Variants in IL1R1 observed in about 807,000 individuals in gnomAD.
IL1R1 encodes the protein interleukin-1 receptor type 1.
Under a neutral mutation model 50.2 loss-of-function variants are expected in IL1R1, and 22 were observed. The observed-to-expected ratio is 0.44, with a 90% confidence interval of 0.31 to 0.63. The LOEUF (loss-of-function observed/expected upper bound fraction) is 0.63. Ranked by LOEUF, IL1R1 falls within the 20% of genes least tolerant of loss-of-function variation. The pLI is 0.07. For synonymous variants in IL1R1, 251 were observed against 236.7 expected (o/e 1.06, Z -0.55); for missense variants, 509 against 676.2 (o/e 0.75, Z 2.74).
intron 1 of IL1R1, among the ~76,000 whole-genome samples, chr2:102,111,127 G>C (rs946957318): frequency 1.3e-5 from 2 of 152,220 alleles, no homozygotes; most frequent in Non-Finnish European, 2.9e-5. Context: ...AGCATGGTGG[G>C]TGTTTAGGGC....
At chr2:102,082,390 T>C (rs1679250362) in intron 1 of IL1R1, among the ~76,000 whole-genome samples, 1 of 152,220 alleles carries the variant, frequency 6.6e-6, no homozygotes. Flanking sequence ...ATCTTGTTTG[T>C]TCTAAAGCCA....
chr2:102,160,686 C>G (rs1684638637), intron 3 of IL1R1, among the ~76,000 whole-genome samples: 1 of 152,176 alleles, frequency 6.6e-6, no homozygotes, highest in African/African-American at 2.4e-5. Flanking sequence ...CTAGGGACAG[C>G]CTCTATGCCC....
At position 102,176,958 on chromosome 2, in the gene IL1R1, TG is replaced by T; in HGVS notation, c.*202del. 5.3e-6 allele frequency: 3 copies of T among 567,502 alleles called. No homozygotes were observed. The highest frequency in any genetic ancestry group is 6.3e-5 in the Admixed American group (2 of 31,608). 35.2% of individuals were successfully genotyped at this position (567,502 alleles called of 1,614,324 possible). On this transcript the variant is annotated 3_prime_UTR_variant, in exon 12 of 12. Coordinates refer to ENST00000410023, the MANE Select transcript of IL1R1 (RefSeq NM_000877.4). ...CCAGGGCACTTCAGAGTAGAGGGCTTGGGAAGATCTTTTAAAAAGGCAGTAG... is the reference window on the plus strand; with the variant it reads ...CCAGGGCACTTCAGAGTAGAGGGCTTGGAAGATCTTTTAAAAAGGCAGTAG...
At chr2:102,148,477 C>T (rs912077192) in intron 1 of IL1R1, among the ~76,000 whole-genome samples, 1 of 152,230 alleles carries the variant, frequency 6.6e-6, no homozygotes. Flanking sequence ...AAAGGCTCAA[C>T]CTAGCACTCC....
chr2:102,159,103 T>C (rs1259917811), intron 3 of IL1R1, among the ~76,000 whole-genome samples: 1 of 152,184 alleles, frequency 6.6e-6, no homozygotes, highest in Non-Finnish European at 1.5e-5. Context: ...AGATCAGGTT[T>C]TCAGACTGGA....
intron 1 of IL1R1, among the ~76,000 whole-genome samples, chr2:102,084,408 G>A (rs751397576): frequency 2.0e-5 from 3 of 152,090 alleles, no homozygotes; most frequent in East Asian, 1.9e-4. Context: ...GAGGTTGCTC[G>A]GAATCAACTC....
intron 1 of IL1R1, among the ~76,000 whole-genome samples, chr2:102,125,546 G>A (rs1461753649): frequency 6.6e-6 from 1 of 152,170 alleles, no homozygotes; most frequent in Non-Finnish European, 1.5e-5. Context: ...AGATAGGCAA[G>A]ATACAAGGAA....
At chr2:102,109,293 A>T (rs1248555317) in intron 1 of IL1R1, among the ~76,000 whole-genome samples, 2 of 152,132 alleles carry the variant, frequency 1.3e-5, no homozygotes, top group Non-Finnish European at 2.9e-5. Flanking sequence ...TTATTGAGTC[A>T]CCTACTAAAG....
chr2:102,107,509 G>A (rs1314992415), intron 1 of IL1R1, among the ~76,000 whole-genome samples: 1 of 151,908 alleles, frequency 6.6e-6, no homozygotes, highest in East Asian at 1.9e-4. Context: ...GGAGGAGGGG[G>A]GAGGGATAAC....
At chr2:102,116,119 G>A (rs1681056539) in intron 1 of IL1R1, among the ~76,000 whole-genome samples, 1 of 152,234 alleles carries the variant, frequency 6.6e-6, no homozygotes, top group Admixed American at 6.5e-5. Flanking sequence ...CATTGACAAG[G>A]TGGGTGCGTT....
intron 6 of IL1R1, among the ~76,000 whole-genome samples, 183 bp downstream of exon 6, chr2:102,166,464 C>G (rs570152445): frequency 6.6e-6 from 1 of 152,180 alleles, no homozygotes; most frequent in African/African-American, 2.4e-5. Flanking sequence ...TTTTCCATTC[C>G]TGCTTCAGAT....
At chr2:102,114,758 G>T in intron 1 of IL1R1, among the ~76,000 whole-genome samples, 1 of 152,046 alleles carries the variant, frequency 6.6e-6, no homozygotes, top group Non-Finnish European at 1.5e-5. Flanking sequence ...AAGGAAATAT[G>T]ACATATATCT....
chr2:102,121,967 G>T (rs1577896209), intron 1 of IL1R1, among the ~76,000 whole-genome samples: 1 of 152,074 alleles, frequency 6.6e-6, no homozygotes, highest in East Asian at 1.9e-4. Context: ...AAAATGTGAA[G>T]CTGCCAGGCA....
At chr2:102,099,297 A>G (rs1680036040) in intron 1 of IL1R1, among the ~76,000 whole-genome samples, 1 of 152,196 alleles carries the variant, frequency 6.6e-6, no homozygotes, top group Admixed American at 6.5e-5. Context: ...AGGGCCTAGA[A>G]GAGATGGTAG....
At position 102,158,374 on chromosome 2, in the gene IL1R1, G is replaced by A. The variant is rs190992261; in HGVS notation, c.61+589G>A. 4.1e-4 allele frequency among the ~76,000 whole-genome samples: 63 copies of A among 152,296 alleles called. 1 individual carries two copies. The highest frequency in any genetic ancestry group is 9.9e-4 in the African/African-American group (41 of 41,568). ...CATATATTGTGTCATATGATGGCAAGTATAGGGAGGAAAAAAGAGTATAAG... is the reference window on the plus strand; with the variant it reads ...CATATATTGTGTCATATGATGGCAAATATAGGGAGGAAAAAAGAGTATAAG... On this transcript the variant is annotated intron_variant, in intron 3 of 11. Transcript: ENST00000410023.
At chr2:102,102,110 C>T (rs1680168885), upstream of IL1R1, among the ~76,000 whole-genome samples, 1 of 152,144 alleles carries the variant, frequency 6.6e-6, no homozygotes, top group East Asian at 1.9e-4. Context: ...GAAAAGAGGG[C>T]TGGAAAAGTC....
intron 1 of IL1R1, among the ~76,000 whole-genome samples, chr2:102,136,374 ATTT>A (rs10664336): frequency 8.4e-6 from 1 of 118,388 alleles, no homozygotes; most frequent in African/African-American, 3.3e-5. Flanking sequence ...GGATAACAGT[ATTT>A]TTTTTTTTTT....
upstream of IL1R1, among the ~76,000 whole-genome samples, chr2:102,099,628 A>G (rs1203833989): frequency 6.6e-6 from 1 of 152,104 alleles, no homozygotes; most frequent in African/African-American, 2.4e-5. Flanking sequence ...CCATGACAAG[A>G]GCGTGTCTGA....
At chr2:102,151,936 G>T (rs574536233) in intron 1 of IL1R1, among the ~76,000 whole-genome samples, 12 of 152,302 alleles carry the variant, frequency 7.9e-5, no homozygotes, top group African/African-American at 2.9e-4. Flanking sequence ...GAAGGCAGAA[G>T]AGTAGGGGGC....
Sources: gnomAD v4.1 joint callset for allele counts (sites outside exome capture counted in the v4.1 genomes callset) on GRCh38, gnomAD v4.1.1 for gene constraint, MANE v1.5 for transcripts, NCBI Gene and HGNC (gene_info 2026-07-23, HGNC 2026-07-21) for gene names.